SRC: variants seen among roughly 807,000 people sequenced by gnomAD.
SRC encodes the protein SRC proto-oncogene, non-receptor tyrosine kinase.
Under a neutral mutation model 62.9 loss-of-function variants are expected in SRC, and 13 were observed. The observed-to-expected ratio is 0.21, with a 90% CI of 0.13 to 0.33. The LOEUF (loss-of-function observed/expected upper bound fraction) is 0.33. Ranked by LOEUF, SRC falls within the 10% of genes least tolerant of loss-of-function variation. SRC has a pLI of 1.00. For missense variants in SRC, 457 were observed against 737.3 expected, an observed-to-expected ratio of 0.62 and a Z score of 4.40; for synonymous variants, 302 against 317.5, an observed-to-expected ratio of 0.95 and a Z score of 0.52.
At chr20:37,393,625 G>C in intron 5 of SRC, 2 of 299,834 alleles carry the variant, frequency 6.7e-6, no homozygotes, top group Non-Finnish European at 6.3e-6. Flanking sequence ...CTATGGATTT[G>C]AGCCTCAGAT....
intron 2 of SRC, among the ~76,000 whole-genome samples, chr20:37,371,840 TAC>T (rs1479045260): frequency 1.5e-5 from 2 of 134,750 alleles, no homozygotes; most frequent in African/African-American, 7.2e-5. Flanking sequence ...TAGCTGGGAT[TAC>T]AAGGCACCTG....
In SRC at chr20:37,400,197, CCAG is replaced by C. The variant is rs757589182; in HGVS notation, c.943_945del (p.Gln315del). 6.2e-7 allele frequency: 1 copy of C among 1,613,964 alleles called. No homozygotes were observed. The highest frequency in any genetic ancestry group is 8.5e-7 in the Non-Finnish European group (1 of 1,179,946). ...CTCCAGAGGCCTTCCTGCAGGAGGC[CCAG>C]GTCATGAAGAAGCTGAGGCATGAGA... On this transcript the variant is annotated inframe_deletion, in exon 10 of 14. Transcript: ENST00000373578.
chr20:37,387,206 C>A (rs539940870), intron 5 of SRC, among the ~76,000 whole-genome samples: 7 of 152,218 alleles, frequency 4.6e-5, no homozygotes, highest in Non-Finnish European at 8.8e-5. Flanking sequence ...ACTTGCCTTG[C>A]GCATGCTCTT....
chr20:37,402,386 G>A lies in SRC; in HGVS notation c.1117-49G>A. ...AGCCCCAGAGTGCTCTGTGGCCCTGGGAGGGCATGGGTGGCACCTGAGCCA... is the reference window on the plus strand; with the variant it reads ...AGCCCCAGAGTGCTCTGTGGCCCTGAGAGGGCATGGGTGGCACCTGAGCCA... On this transcript the variant is annotated intron_variant, in intron 11 of 13. Transcript: ENST00000373578. This position sits in a 1 kb window ranked among gnomAD's most constrained non-coding sequence, Gnocchi z 6.2. 1.3e-6 allele frequency: 2 copies of A among 1,593,492 alleles called. No homozygotes were observed. The highest frequency in any genetic ancestry group is 2.2e-5 in the South Asian group (2 of 89,874).
intron 2 of SRC, among the ~76,000 whole-genome samples, chr20:37,370,894 C>T (rs1285224724): frequency 6.6e-6 from 1 of 152,012 alleles, no homozygotes; most frequent in Non-Finnish European, 1.5e-5. Context: ...GCCTGGGCTG[C>T]TTCTGTGAGA....
intron 2 of SRC, among the ~76,000 whole-genome samples, chr20:37,368,534 TTTTTTTTTTGTTTTTTTTTTTTTTG>T (rs1568625236): frequency 1.2e-4 from 15 of 120,350 alleles, no homozygotes; most frequent in Non-Finnish European, 2.5e-4. Context: ...TTTTTTTTTT[TTTTTTTTTTGTTTTTTTTTTTTTTG>T]TTTTTTTTTT....
At chr20:37,387,965 G>T (rs1374164571) in intron 5 of SRC, among the ~76,000 whole-genome samples, 3 of 152,216 alleles carry the variant, frequency 2.0e-5, no homozygotes, top group African/African-American at 7.2e-5. Flanking sequence ...CTTACCCAAG[G>T]TCACATGGCT....
At chr20:37,349,929 C>T (rs543720100) in intron 1 of SRC, among the ~76,000 whole-genome samples, 30 of 152,342 alleles carry the variant, frequency 2.0e-4, no homozygotes, top group African/African-American at 7.0e-4. Context: ...TACTAAGACC[C>T]AGGAAGGGAA....
Position 37,396,558 on chromosome 20 carries a change from T to C in SRC, c.703+247T>C. On this transcript the variant is annotated intron_variant, in intron 8 of 13. Coordinates refer to ENST00000373578, the MANE Select transcript of SRC (RefSeq NM_198291.3). This position sits in a 1 kb window ranked among gnomAD's most constrained non-coding sequence, Gnocchi z 6.1. ...CTCCCTGCTCCACGCAGTGTCCCAC[T>C]GCCCGCCTTTCTCTGCAGCTGGCTG... 1 of 551,734 alleles carries C rather than the reference T, an allele frequency of 1.8e-6. No homozygotes were observed. Among genetic ancestry groups the C allele is most frequent in the Non-Finnish European group, 3.2e-6 (1 of 310,768 alleles). 34.2% of individuals were successfully genotyped at this position (551,734 alleles called of 1,614,324 possible).
At chr20:37,353,705 A>G (rs1377850940) in intron 1 of SRC, among the ~76,000 whole-genome samples, 7 of 152,158 alleles carry the variant, frequency 4.6e-5, no homozygotes, top group South Asian at 2.1e-4. Flanking sequence ...CATCCAGTGC[A>G]TGGATTTGAA....
chr20:37,393,161 AC>A (rs921840814), intron 5 of SRC, among the ~76,000 whole-genome samples: 1 of 151,384 alleles, frequency 6.6e-6, no homozygotes, highest in African/African-American at 2.4e-5. Context: ...CTGCCACCTC[AC>A]CCCCTCTGAC....
rs560055254 is a variant in SRC at position 37,386,618 on chromosome 20, C to A, written c.350+444C>A. The A allele has an allele frequency of 2.1e-4, 137 of 660,406 alleles. 1 individual carries two copies. Among genetic ancestry groups the A allele is most frequent in the Admixed American group, 1.3e-3 (61 of 46,516 alleles). The allele number at this position is 660,406 out of a possible 1,614,324, so 40.9% of individuals were successfully genotyped here. A position where few individuals can be genotyped will look rare whatever the true frequency, so the allele number is the denominator to read the frequency against. Reference sequence around the variant, plus strand: ...CTCACCTCCCAGCTTCTCCCCTCCCCCCTCCACCAATTTGATTAGGTCCTG... The same window carrying A: ...CTCACCTCCCAGCTTCTCCCCTCCCACCTCCACCAATTTGATTAGGTCCTG... On this transcript the variant is annotated intron_variant, in intron 5 of 13. Coordinates refer to ENST00000373578, the MANE Select transcript of SRC (RefSeq NM_198291.3).
chr20:37,379,264 G>T (rs1385414704), intron 2 of SRC, among the ~76,000 whole-genome samples: 4 of 152,138 alleles, frequency 2.6e-5, no homozygotes, highest in African/African-American at 9.7e-5. Flanking sequence ...GGCCCCCACT[G>T]CTTCCCCTTG....
chr20:37,399,325 C>G (rs749205008), intron 9 of SRC, among the ~76,000 whole-genome samples: 1 of 152,088 alleles, frequency 6.6e-6, no homozygotes. Context: ...TTTTGGGGGG[C>G]GGGTGGGCTC....
Position 37,404,886 on chromosome 20 carries a change from A to ATG in SRC, c.*1514_*1515dup, listed in dbSNP as rs2070802464. ...TTGCCAAGGGTCCCTGTGTGTGTGT[A>ATG]TGTGTGTGCATGTGTGCGTGTCTCC... is the stretch of plus-strand genomic sequence containing the variant. On this transcript the variant is annotated 3_prime_UTR_variant, in exon 14 of 14. Coordinates refer to ENST00000373578, the MANE Select transcript of SRC (RefSeq NM_198291.3). The ATG allele has an allele frequency of 4.3e-6, 1 of 233,430 alleles. No homozygotes were observed. The highest frequency in any genetic ancestry group is 2.2e-5 in the African/African-American group (1 of 45,288). 14.5% of individuals were successfully genotyped at this position (233,430 alleles called of 1,614,324 possible).
At position 37,398,003 on chromosome 20, in the gene SRC, C is replaced by T. The variant is rs1440068608; in HGVS notation, c.859+149C>T. On this transcript the variant is annotated intron_variant, in intron 9 of 13. Coordinates refer to ENST00000373578, the MANE Select transcript of SRC (RefSeq NM_198291.3). This position sits in a 1 kb window ranked among gnomAD's most constrained non-coding sequence, Gnocchi z 5.2. Reference sequence around the variant, plus strand: ...TGGAGCTCCCCAGCGGTGGCTGGCACCGAGTTGGGTTGTGGCCACCCAAGC... The same window carrying T: ...TGGAGCTCCCCAGCGGTGGCTGGCATCGAGTTGGGTTGTGGCCACCCAAGC... 2 of 1,094,974 alleles carry T rather than the reference C, an allele frequency of 1.8e-6. No individual in the cohort carries two copies. Among genetic ancestry groups the T allele is most frequent in the East Asian group, 5.3e-5 (2 of 38,022 alleles). 67.8% of individuals were successfully genotyped at this position (1,094,974 alleles called of 1,614,324 possible).
rs2147049362 is a variant in SRC at position 37,384,202 on chromosome 20, A to C, written c.49A>C (p.Ser17Arg). 1 of 1,596,196 alleles carries C rather than the reference A, an allele frequency of 6.3e-7. No homozygotes were observed. Among genetic ancestry groups the C allele is most frequent in the Admixed American group, 1.7e-5 (1 of 59,564 alleles). ...CAAGGATGCCAGCCAGCGGCGCCGCAGCCTGGAGCCCGCCGAGAACGTGCA... is the reference window on the plus strand; with the variant it reads ...CAAGGATGCCAGCCAGCGGCGCCGCCGCCTGGAGCCCGCCGAGAACGTGCA... The part of the protein sequence containing the change: ...KPKDASQRRR[S>R]LEPAENVHGA... Residue 17 changes from serine to arginine, a missense_variant, in exon 4 of 14, where the codon AGC becomes CGC. Ser to Arg is a moderately radical substitution (Grantham distance 110). Coordinates refer to ENST00000373578, the MANE Select transcript of SRC (RefSeq NM_198291.3). The surrounding 1 kb of genome is among the most constrained non-coding windows in gnomAD (Gnocchi z 6.7).
rs2070658055 is a variant in SRC at position 37,396,728 on chromosome 20, A to G, written c.703+417A>G. The G allele has an allele frequency of 1.5e-5, 3 of 193,902 alleles. No individual in the cohort carries two copies. The South Asian group carries it at 3.2e-4, about 21-fold the overall frequency. The allele number at this position is 193,902 out of a possible 1,614,324, so 12.0% of individuals were successfully genotyped here. On this transcript the variant is annotated intron_variant, in intron 8 of 13. Coordinates refer to ENST00000373578, the MANE Select transcript of SRC (RefSeq NM_198291.3). The surrounding 1 kb of genome is among the most constrained non-coding windows in gnomAD (Gnocchi z 6.1). ...GGGGGCGGCCAGATCGATTGCAGCAAAGAGGGAAGAGAGCGGCAGAGGGAG... is the reference window on the plus strand; with the variant it reads ...GGGGGCGGCCAGATCGATTGCAGCAGAGAGGGAAGAGAGCGGCAGAGGGAG...
At chr20:37,386,031 G>T in intron 4 of SRC, 44 bp from the exon 5 acceptor site, 1 of 1,522,824 alleles carries the variant, frequency 6.6e-7, no homozygotes, top group Non-Finnish European at 9.1e-7. Flanking sequence ...TGCCTTCCCT[G>T]GCTGTGGCCC....
Sources: allele counts gnomAD v4.1 joint callset (sites outside exome capture counted in the v4.1 genomes callset), GRCh38; gene constraint gnomAD v4.1.1; non-coding constraint Gnocchi (gnomAD v3.1); transcripts MANE v1.5; gene names NCBI Gene and HGNC (gene_info 2026-07-23, HGNC 2026-07-21).